The following JAKMIP1 variants were observed in gnomAD, a reference collection of about 807,000 sequenced individuals.
JAKMIP1 encodes the protein janus kinase and microtubule interacting protein 1.
A neutral mutation model predicts 113.0 loss-of-function variants in JAKMIP1; 33 were observed. The ratio of observed to expected loss-of-function variants is 0.29; its 90% confidence interval spans 0.22 to 0.39. JAKMIP1 has a LOEUF of 0.39. Ranked by LOEUF, JAKMIP1 falls within the 10% of genes least tolerant of loss-of-function variation. The pLI, the probability that JAKMIP1 is intolerant of heterozygous loss-of-function variation, is 1.00. For missense variants in JAKMIP1, 813 were observed against 1,080.5 expected (o/e 0.75, Z 3.47); for synonymous variants, 480 against 459.9 (o/e 1.04, Z -0.56).
intron 1 of JAKMIP1, among the ~76,000 whole-genome samples, chr4:6,121,199 CAAAAAAA>C (rs33951121): frequency 7.8e-6 from 1 of 128,374 alleles, no homozygotes; most frequent in Non-Finnish European, 1.6e-5. Context: ...GACCTTGTCT[CAAAAAAA>C]AAAAAAAAAA....
rs1719033242 is a variant in JAKMIP1, at chr4:6,135,047, C to G, written c.-147-22050G>C. Among the ~76,000 whole-genome samples the G allele has an allele frequency of 6.6e-6, 1 of 151,914 alleles. No homozygotes were observed. Among genetic ancestry groups the G allele is most frequent in the South Asian group, 2.1e-4 (1 of 4,800 alleles). ...TGGCAGGTGTAGGGCTCGTGTATCT[C>G]TGGTCTGGTATCGTTGGGGCAGAGC... is the stretch of plus-strand genomic sequence containing the variant. On this transcript the variant is annotated intron_variant, in intron 1 of 20. Transcript: ENST00000409021. The surrounding 1 kb of genome is among the most constrained non-coding windows in gnomAD (Gnocchi z 4.9).
At chr4:6,073,077 TAA>T (rs5855900) in intron 8 of JAKMIP1, among the ~76,000 whole-genome samples, 2,725 of 123,838 alleles carry the variant, frequency 0.022, 115 homozygotes, top group African/African-American at 0.075. Flanking sequence ...AACTCTGTCT[TAA>T]AAAAAAAAAA....
At chr4:6,078,916 C>A (rs1199805070) in intron 8 of JAKMIP1, 23 bp downstream of exon 8, 2 of 1,613,236 alleles carry the variant, frequency 1.2e-6, no homozygotes, top group Non-Finnish European at 1.7e-6. Flanking sequence ...CAAGGTAGGG[C>A]AGGTGCACCA....
rs958864488 is a variant in JAKMIP1, at chr4:6,186,336, T to G, written c.-148+13917A>C. On this transcript the variant is annotated intron_variant, in intron 1 of 20. Coordinates refer to ENST00000409021, the MANE Select transcript of JAKMIP1 (RefSeq NM_001099433.2). The surrounding 1 kb of genome is among the most constrained non-coding windows in gnomAD (Gnocchi z 5.5). ...AAGTTGGAAAAGGAGGTGGTTAGAG[T>G]CAGGGAAGTAGTCAAGTAGTCAGTT... Among the ~76,000 whole-genome samples, 2 of 151,612 alleles carry G rather than the reference T, an allele frequency of 1.3e-5. No individual in the cohort carries two copies. Among genetic ancestry groups the G allele is most frequent in the African/African-American group, 4.9e-5 (2 of 41,236 alleles).
In JAKMIP1 at chr4:6,180,258, C is replaced by G. The variant is rs147511396; in HGVS notation, c.-148+19995G>C. Among the ~76,000 whole-genome samples the G allele has an allele frequency of 3.2e-3, 491 of 152,230 alleles. 5 individuals carry two copies. Among genetic ancestry groups the G allele is most frequent in the African/African-American group, 0.011 (469 of 41,544 alleles). ...AATAATTTCTGATAAAATTGCTACT[C>G]GTAACATTCAGAACCCACAAAAAAT... On this transcript the variant is annotated intron_variant, in intron 1 of 20. Transcript: ENST00000409021. This position sits in a 1 kb window ranked among gnomAD's most constrained non-coding sequence, Gnocchi z 4.5.
intron 1 of JAKMIP1, among the ~76,000 whole-genome samples, chr4:6,170,638 A>AT (rs370225856): frequency 6.9e-6 from 1 of 145,620 alleles, no homozygotes; most frequent in Non-Finnish European, 1.5e-5. Flanking sequence ...CAACACCATC[A>AT]CCTCTACCAT....
At chr4:6,079,676 G>A (rs1184215229) in intron 7 of JAKMIP1, among the ~76,000 whole-genome samples, 2 of 152,108 alleles carry the variant, frequency 1.3e-5, no homozygotes, top group East Asian at 3.9e-4. Context: ...AACCCCCTTT[G>A]ATAGATGCAC....
At chr4:6,130,619 G>C (rs1004201152) in intron 1 of JAKMIP1, among the ~76,000 whole-genome samples, 1 of 152,154 alleles carries the variant, frequency 6.6e-6, no homozygotes, top group Non-Finnish European at 1.5e-5. Context: ...ATATGCCAAG[G>C]ATTCTAATGG....
At position 6,085,473 on chromosome 4, in the gene JAKMIP1, T is replaced by C; in HGVS notation, c.781A>G (p.Lys261Glu). 6.2e-7 allele frequency: 1 copy of C among 1,614,060 alleles called. No homozygotes were observed. Among genetic ancestry groups the C allele is most frequent in the Non-Finnish European group, 8.5e-7 (1 of 1,180,026 alleles). The change falls in exon 4 of 21, where the codon AAG becomes GAG. Residue 261 changes from lysine (K) to glutamate (E), a missense_variant. By Grantham distance (56) the Lys-to-Glu change is moderately conservative (BLOSUM62 1). This residue lies in a region of JAKMIP1 where 540 missense variants were observed against 653.9 expected (regional missense o/e 0.83). Coordinates refer to ENST00000409021, the MANE Select transcript of JAKMIP1 (RefSeq NM_001099433.2). ...KEAERHHSSP[K>E]RELPPGIGDM... The stretch of plus-strand genomic sequence containing the variant: ...CCGATCCCGGGCGGGAGCTCTCTCT[T>C]TGGACTACTGTGGTGCCGCTCGGCC...
At chr4:6,039,032 G>A (rs1713953439) in intron 18 of JAKMIP1, among the ~76,000 whole-genome samples, 1 of 152,178 alleles carries the variant, frequency 6.6e-6, no homozygotes, top group Admixed American at 6.5e-5. Context: ...GAGAATCCAG[G>A]GGCTGCGTCA....
At chr4:6,152,809 T>TACATATATATATATATATATATATAC (rs1721760146) in intron 1 of JAKMIP1, among the ~76,000 whole-genome samples, 1 of 117,666 alleles carries the variant, frequency 8.5e-6, no homozygotes, top group Non-Finnish European at 1.7e-5. Flanking sequence ...TATATATATA[T>TACATATATATATATATATATATATAC]ACATATATAT....
rs143989216 is a variant in JAKMIP1, at chr4:6,144,194, A to G, written c.-147-31197T>C. The stretch of plus-strand genomic sequence containing the variant: ...CTTGTCAGCCATTCCCTTCCCATTC[A>G]GGTAAAACTGTAATGCCACAACAAA... On this transcript the variant is annotated intron_variant, in intron 1 of 20. Coordinates refer to ENST00000409021, the MANE Select transcript of JAKMIP1 (RefSeq NM_001099433.2). 5.9e-3 allele frequency among the ~76,000 whole-genome samples: 900 copies of G among 152,386 alleles called. 7 individuals are homozygous for G. The highest frequency in any genetic ancestry group is 0.021 in the African/African-American group (858 of 41,594).
chr4:6,029,941 G>T lies in JAKMIP1; in HGVS notation c.2380-160C>A, dbSNP rs76615966. Among the ~76,000 whole-genome samples the T allele has an allele frequency of 2.8e-3, 429 of 152,224 alleles. 2 individuals are homozygous for T. The highest frequency in any genetic ancestry group is 9.8e-3 in the African/African-American group (405 of 41,534). Reference sequence around the variant, plus strand: ...ACATGCACAAGCCCATGTCACCACCGCCCAAAGCAAGACAGAGAGCATCCC... The same window carrying T: ...ACATGCACAAGCCCATGTCACCACCTCCCAAAGCAAGACAGAGAGCATCCC... On this transcript the variant is annotated intron_variant, in intron 19 of 20. Transcript: ENST00000409021.
intron 8 of JAKMIP1, among the ~76,000 whole-genome samples, chr4:6,071,429 TG>T (rs55708905): frequency 0.012 from 1,804 of 152,310 alleles, 16 homozygotes; most frequent in Non-Finnish European, 0.02. Context: ...AGTCACCTCC[TG>T]AAACTAGGCA....
At position 6,129,551 on chromosome 4, in the gene JAKMIP1, G is replaced by A. The variant is rs1271840448; in HGVS notation, c.-147-16554C>T. ...GAAAGCCAGGTGCCATGCTGGTACA[G>A]GGACCAGGATACCAAGCAGGACCCA... On this transcript the variant is annotated intron_variant, in intron 1 of 20. Transcript: ENST00000409021. The surrounding 1 kb of genome is among the most constrained non-coding windows in gnomAD (Gnocchi z 5.4). Among the ~76,000 whole-genome samples, 1 of 152,108 alleles carries A rather than the reference G, an allele frequency of 6.6e-6. No homozygotes were observed. The highest frequency in any genetic ancestry group is 2.4e-5 in the African/African-American group (1 of 41,424).
At chr4:6,198,213 C>A (rs1728049888) in intron 1 of JAKMIP1, among the ~76,000 whole-genome samples, 1 of 152,252 alleles carries the variant, frequency 6.6e-6, no homozygotes, top group African/African-American at 2.4e-5. Context: ...AGCACACAAT[C>A]TTTCCGGCAG....
In JAKMIP1 at chr4:6,140,980, C is replaced by T. The variant is rs1417755323; in HGVS notation, c.-147-27983G>A. On this transcript the variant is annotated intron_variant, in intron 1 of 20. Transcript: ENST00000409021. The surrounding 1 kb of genome is among the most constrained non-coding windows in gnomAD (Gnocchi z 9.4). ...AAATCACTTGCCTAAGACCCCAGAG[C>T]TGGGTGACGGCAGAGCCAGCCCTGT... Among the ~76,000 whole-genome samples, 2 of 152,184 alleles carry T rather than the reference C, an allele frequency of 1.3e-5. No homozygotes were observed. Among genetic ancestry groups the T allele is most frequent in the African/African-American group, 4.8e-5 (2 of 41,408 alleles).
intron 5 of JAKMIP1, among the ~76,000 whole-genome samples, chr4:6,084,044 G>A (rs1720944431): frequency 6.6e-6 from 1 of 152,190 alleles, no homozygotes; most frequent in Non-Finnish European, 1.5e-5. Flanking sequence ...CTAGCCAGAT[G>A]TGGTGGCTCT....
Position 6,141,909 on chromosome 4 carries a change from T to C in JAKMIP1, c.-147-28912A>G, listed in dbSNP as rs1159708176. ...TTCCTAAGGGCGTTAACCGTCTCTC[T>C]CTCATTTTAAAAATCAAGTTTACTC... On this transcript the variant is annotated intron_variant, in intron 1 of 20. Coordinates refer to ENST00000409021, the MANE Select transcript of JAKMIP1 (RefSeq NM_001099433.2). This position sits in a 1 kb window ranked among gnomAD's most constrained non-coding sequence, Gnocchi z 9.4. Among the ~76,000 whole-genome samples, 3 of 152,112 alleles carry C rather than the reference T, an allele frequency of 2.0e-5. No individual in the cohort carries two copies. Among genetic ancestry groups the C allele is most frequent in the South Asian group, 4.1e-4 (2 of 4,828 alleles).
Sources: allele counts gnomAD v4.1 joint callset (sites outside exome capture counted in the v4.1 genomes callset), GRCh38; gene constraint gnomAD v4.1.1; regional missense constraint gnomAD v4.1.1; non-coding constraint Gnocchi (gnomAD v3.1); transcripts MANE v1.5; gene names NCBI Gene and HGNC (gene_info 2026-07-23, HGNC 2026-07-21).